Variants in PELI2 observed in about 807,000 individuals in gnomAD.
The protein encoded by PELI2 is pellino E3 ubiquitin protein ligase family member 2.
PELI2 carries 23 observed loss-of-function variants against 42.3 expected under a neutral mutation model. The observed-to-expected ratio is 0.54, with a 90% CI of 0.39 to 0.77. The LOEUF (loss-of-function observed/expected upper bound fraction) is 0.77. PELI2 is among the 30% of genes least tolerant of loss of function. The probability of loss-of-function intolerance (pLI) is 0.00; values close to 1 mark genes in which losing one functional copy is unlikely to be tolerated. For synonymous variants in PELI2, 245 were observed against 212.2 expected, an observed-to-expected ratio of 1.15 and a Z score of -1.34; for missense variants, 463 against 553.2, an observed-to-expected ratio of 0.84 and a Z score of 1.64.
rs1887406477 is a variant in PELI2 at position 56,227,641 on chromosome 14, G to C, written c.207+49177G>C. ...ATGTAGTCTCTAGCTCTGTTTGCTG[G>C]CGAAGCCTGGGAGCAGCAGCACTCC... is the stretch of plus-strand genomic sequence containing the variant. On this transcript the variant is annotated intron_variant, in intron 2 of 5. Transcript: ENST00000267460. 3.3e-5 allele frequency among the ~76,000 whole-genome samples: 5 copies of C among 152,250 alleles called. No individual in the cohort carries two copies. In the South Asian group the frequency reaches 1.0e-3, roughly 32 times the overall value.
chr14:56,126,089 A>G (rs535208406), intron 1 of PELI2, among the ~76,000 whole-genome samples: 1 of 152,276 alleles, frequency 6.6e-6, no homozygotes, highest in East Asian at 1.9e-4. Flanking sequence ...TCCAGTTTCA[A>G]CTTTTGTTTG....
At chr14:56,292,178 T>C (rs1412412592) in intron 5 of PELI2, among the ~76,000 whole-genome samples, 2 of 152,214 alleles carry the variant, frequency 1.3e-5, no homozygotes, top group East Asian at 1.9e-4. Flanking sequence ...GTATTAAATA[T>C]ACAGGCTATT....
intron 1 of PELI2, among the ~76,000 whole-genome samples, chr14:56,147,311 C>G (rs1351825210): frequency 1.3e-5 from 2 of 152,126 alleles, no homozygotes; most frequent in Non-Finnish European, 2.9e-5. Flanking sequence ...TTGGTAGGTA[C>G]TTAGTAGTGG....
chr14:56,256,166 G>A (rs1888520866), intron 2 of PELI2, among the ~76,000 whole-genome samples: 1 of 152,142 alleles, frequency 6.6e-6, no homozygotes, highest in Non-Finnish European at 1.5e-5. Flanking sequence ...AGTGGCTCAT[G>A]CCTGTAATCC....
intron 2 of PELI2, among the ~76,000 whole-genome samples, chr14:56,239,693 T>G (rs1887909173): frequency 6.6e-6 from 1 of 152,150 alleles, no homozygotes; most frequent in Non-Finnish European, 1.5e-5. Flanking sequence ...CAGTGCCCTA[T>G]GGTCCTTCCC....
chr14:56,288,771 C>G lies in PELI2; in HGVS notation c.507+137C>G, dbSNP rs542081564. On this transcript the variant is annotated intron_variant, in intron 4 of 5. Transcript: ENST00000267460. This position sits in a 1 kb window ranked among gnomAD's most constrained non-coding sequence, Gnocchi z 4.6. ...TTTGAGATTTTAGTTTTCAGGTGGC[C>G]AGTTTGAGAAACTTGTTATTAAAAA... The G allele has an allele frequency of 8.0e-6, 5 of 626,514 alleles. No homozygotes were observed. The highest frequency in any genetic ancestry group is 1.8e-5 in the African/African-American group (1 of 54,354). 38.8% of individuals were successfully genotyped at this position (626,514 alleles called of 1,614,324 possible).
chr14:56,157,532 C>G, intron 1 of PELI2, among the ~76,000 whole-genome samples: 1 of 146,442 alleles, frequency 6.8e-6, no homozygotes, highest in Admixed American at 6.6e-5. Flanking sequence ...TAAAATCACT[C>G]CCCCCCAAAA....
chr14:56,194,506 G>T (rs1399217926), intron 2 of PELI2, among the ~76,000 whole-genome samples: 1 of 152,194 alleles, frequency 6.6e-6, no homozygotes, highest in East Asian at 1.9e-4. Flanking sequence ...GGACATTTGT[G>T]AATGGACTGA....
intron 1 of PELI2, 105 bp from the exon 2 acceptor site, chr14:56,178,230 C>A: frequency 8.2e-7 from 1 of 1,212,244 alleles, no homozygotes; most frequent in Non-Finnish European, 1.2e-6. Flanking sequence ...GTGGGCAATT[C>A]TTTTATGACC....
intron 2 of PELI2, among the ~76,000 whole-genome samples, chr14:56,268,465 A>G (rs1178323694): frequency 2.6e-5 from 4 of 152,160 alleles, no homozygotes; most frequent in African/African-American, 9.7e-5. Context: ...ACAGGAGACT[A>G]CGGTTAGATT....
At chr14:56,202,561 T>G (rs1182097347) in intron 2 of PELI2, among the ~76,000 whole-genome samples, 1 of 152,172 alleles carries the variant, frequency 6.6e-6, no homozygotes, top group African/African-American at 2.4e-5. Flanking sequence ...GTCTTTCCCA[T>G]TAGAGGCTTT....
chr14:56,211,705 A>T (rs1886717267), intron 2 of PELI2, among the ~76,000 whole-genome samples: 2 of 152,146 alleles, frequency 1.3e-5, no homozygotes, highest in Admixed American at 6.5e-5. Context: ...TATTAAACAA[A>T]TGTGTGTTAT....
At chr14:56,240,947 A>C (rs942664009) in intron 2 of PELI2, among the ~76,000 whole-genome samples, 15 of 152,176 alleles carry the variant, frequency 9.9e-5, no homozygotes, top group African/African-American at 3.6e-4. Context: ...CATTATCTTT[A>C]TACATATTTC....
chr14:56,121,931 C>A (rs972536978), intron 1 of PELI2, among the ~76,000 whole-genome samples: 2 of 152,058 alleles, frequency 1.3e-5, no homozygotes, highest in Non-Finnish European at 2.9e-5. Flanking sequence ...TGAAGATGTG[C>A]GTAAAAACAG....
rs1393844551 is a variant in PELI2, at chr14:56,118,420, T to C, written c.-241T>C. ...CCCCCTGCTGCCGGGTCCCATTTGT[T>C]GCCGGCTCTGACTCGGGGCGGCCGC... On this transcript the variant is annotated 5_prime_UTR_variant, in exon 1 of 6. Transcript: ENST00000267460. The C allele has an allele frequency of 1.1e-5, 3 of 281,652 alleles. No homozygotes were observed. The highest frequency in any genetic ancestry group is 2.0e-5 in the Non-Finnish European group (3 of 152,510). The allele number at this position is 281,652 out of a possible 1,614,324, so 17.4% of individuals were successfully genotyped here. A position where few individuals can be genotyped will look rare whatever the true frequency, so the allele number is the denominator to read the frequency against.
At chr14:56,198,826 T>C (rs1273347059) in intron 2 of PELI2, among the ~76,000 whole-genome samples, 1 of 152,212 alleles carries the variant, frequency 6.6e-6, no homozygotes, top group South Asian at 2.1e-4. Context: ...TCTTGTTTTC[T>C]ATCTATTCAT....
chr14:56,284,659 T>C (rs1889591366), intron 3 of PELI2, among the ~76,000 whole-genome samples: 1 of 152,256 alleles, frequency 6.6e-6, no homozygotes, highest in Non-Finnish European at 1.5e-5. Context: ...CTACATTTTC[T>C]AGTGGGTATT....
rs372478320 is a variant in PELI2 at position 56,137,535 on chromosome 14, TCTG to T, written c.77+18802_77+18804del. The stretch of plus-strand genomic sequence containing the variant: ...ATTTGAATGTCTTAAGTTTGATTCT[TCTG>T]CTGGAGATCAGGCTCATGCATATAG... On this transcript the variant is annotated intron_variant, in intron 1 of 5. Coordinates refer to ENST00000267460, the MANE Select transcript of PELI2 (RefSeq NM_021255.3). Among the ~76,000 whole-genome samples the T allele has an allele frequency of 3.0e-4, 45 of 152,338 alleles. No individual in the cohort carries two copies. The East Asian group carries it at 8.3e-3, about 28-fold the overall frequency.
chr14:56,234,439 A>C (rs1300838951), intron 2 of PELI2, among the ~76,000 whole-genome samples: 1 of 152,214 alleles, frequency 6.6e-6, no homozygotes, highest in Non-Finnish European at 1.5e-5. Flanking sequence ...GGATGAGTTC[A>C]TGTCCTTTGT....
Sources: allele counts gnomAD v4.1 joint callset (sites outside exome capture counted in the v4.1 genomes callset), GRCh38; gene constraint gnomAD v4.1.1; non-coding constraint Gnocchi (gnomAD v3.1); transcripts MANE v1.5; gene names NCBI Gene and HGNC (gene_info 2026-07-23, HGNC 2026-07-21).